The following B4GALNT1 variants were observed in gnomAD, a reference collection of about 807,000 sequenced individuals.
B4GALNT1 encodes beta-1,4 N-acetylgalactosaminyltransferase 1.
Under a neutral mutation model 55.2 loss-of-function variants are expected in B4GALNT1, and 43 were observed. The ratio of observed to expected loss-of-function variants is 0.78; its 90% CI spans 0.61 to 1.00. The LOEUF is 1.00. Ranked by LOEUF, B4GALNT1 falls within the 50% of genes least tolerant of loss-of-function variation. The probability of loss-of-function intolerance (pLI) is 0.00; values close to 1 mark genes in which losing one functional copy is unlikely to be tolerated. For synonymous variants in B4GALNT1, 305 were observed against 311.6 expected, an observed-to-expected ratio of 0.98 and a Z score of 0.22; for missense variants, 664 against 729.7, an observed-to-expected ratio of 0.91 and a Z score of 1.04.
chr12:57,626,477 T>G lies in B4GALNT1; in HGVS notation c.*267A>C. 1.9e-6 allele frequency: 1 copy of G among 514,320 alleles called. No individual in the cohort carries two copies. The highest frequency in any genetic ancestry group is 3.5e-6 in the Non-Finnish European group (1 of 283,510). The allele number at this position is 514,320 out of a possible 1,614,324, so 31.9% of individuals were successfully genotyped here. On this transcript the variant is annotated 3_prime_UTR_variant, in exon 11 of 11. Transcript: ENST00000341156. ...GCACTTGGAAAGTGATCCCCCCATT[T>G]CCTGCCCCATGAGAATGGGCAGGGG...
At chr12:57,629,914 C>T (rs946146281) in intron 6 of B4GALNT1, 83 of 1,535,918 alleles carry the variant, frequency 5.4e-5, no homozygotes, top group Non-Finnish European at 6.9e-5. Context: ...CACAGTTGGC[C>T]TAAAGGGGAG....
At position 57,625,327 on chromosome 12, in the gene B4GALNT1, G is replaced by C; in HGVS notation, c.*1417C>G. ...CCAGAGAAGTGGTGCAGGTGAGGGA[G>C]AGGGTAGGTTGAGGAGAAACCCCTT... is the stretch of plus-strand genomic sequence containing the variant. On this transcript the variant is annotated 3_prime_UTR_variant, in exon 11 of 11. Transcript: ENST00000341156. 6.2e-7 allele frequency: 1 copy of C among 1,614,128 alleles called. No homozygotes were observed. The highest frequency in any genetic ancestry group is 8.5e-7 in the Non-Finnish European group (1 of 1,180,008).
At position 57,625,346 on chromosome 12, in the gene B4GALNT1, A is replaced by G. The variant is rs746744579; in HGVS notation, c.*1398T>C. On this transcript the variant is annotated 3_prime_UTR_variant, in exon 11 of 11. Coordinates refer to ENST00000341156, the MANE Select transcript of B4GALNT1 (RefSeq NM_001478.5). ...GAGGGAGAGGGTAGGTTGAGGAGAA[A>G]CCCCTTAGCATCTCACTCATACCCT... 4.5e-5 allele frequency: 72 copies of G among 1,612,988 alleles called. No homozygotes were observed. The highest frequency in any genetic ancestry group is 5.8e-5 in the Non-Finnish European group (68 of 1,179,752).
At chr12:57,628,357 ATTC>A in intron 8 of B4GALNT1, 95 bp from the exon 9 acceptor site, 1 of 1,555,930 alleles carries the variant, frequency 6.4e-7, no homozygotes, top group Non-Finnish European at 8.8e-7. Flanking sequence ...CTCAGCTTGT[ATTC>A]TTCTCCAGAC....
intron 8 of B4GALNT1, 148 bp downstream of exon 8, chr12:57,628,565 G>T: frequency 2.9e-6 from 3 of 1,031,044 alleles, no homozygotes; most frequent in Non-Finnish European, 4.2e-6. Context: ...CTCCCACGAA[G>T]CTTACATTCC....
chr12:57,624,098 TG>T lies in B4GALNT1; in HGVS notation c.*2645del. 1 of 1,613,916 alleles carries T rather than the reference TG, an allele frequency of 6.2e-7. No individual in the cohort carries two copies. Among genetic ancestry groups the T allele is most frequent in the Non-Finnish European group, 8.5e-7 (1 of 1,179,910 alleles). On this transcript the variant is annotated 3_prime_UTR_variant, in exon 11 of 11. Transcript: ENST00000341156. ...TATGGCACATCAGCCGAGTGGACTT[TG>T]TGAGAAATGCCATTACCCCCAGATT...
Position 57,624,946 on chromosome 12 carries a change from C to G in B4GALNT1, c.*1798G>C. The G allele has an allele frequency of 6.2e-7, 1 of 1,614,152 alleles. No homozygotes were observed. The highest frequency in any genetic ancestry group is 1.1e-5 in the South Asian group (1 of 91,084). ...GGACCCGTGGGCAGTTTCGCTGCAA[C>G]CTGGAGTGGCACCTGGGGCTCGGAG... On this transcript the variant is annotated 3_prime_UTR_variant, in exon 11 of 11. Transcript: ENST00000341156.
chr12:57,629,225 TAC>T, intron 6 of B4GALNT1, 79 bp from the exon 7 acceptor site: 1 of 1,220,914 alleles, frequency 8.2e-7, no homozygotes, highest in Admixed American at 2.9e-5. Flanking sequence ...TTTAAGTGCC[TAC>T]TCTGTGTCCC....
chr12:57,625,281 C>A lies in B4GALNT1; in HGVS notation c.*1463G>T, dbSNP rs755485575. The A allele has an allele frequency of 1.4e-5, 22 of 1,613,920 alleles. No homozygotes were observed. The highest frequency in any genetic ancestry group is 1.4e-5 in the Non-Finnish European group (16 of 1,180,000). ...GTGGTCCTAGACTTCAGTGGTGTCA[C>A]CTTTGCAGATGCTGCTGGGGCCAGA... On this transcript the variant is annotated 3_prime_UTR_variant, in exon 11 of 11. Coordinates refer to ENST00000341156, the MANE Select transcript of B4GALNT1 (RefSeq NM_001478.5).
intron 6 of B4GALNT1, chr12:57,629,449 CA>C (rs1225151728): frequency 6.1e-6 from 2 of 326,402 alleles, no homozygotes; most frequent in Admixed American, 8.8e-5. Flanking sequence ...ATTCCTACAA[CA>C]GAAAAAAAAG....
chr12:57,625,560 G>A lies in B4GALNT1; in HGVS notation c.*1184C>T, dbSNP rs772117744. 1 of 1,605,946 alleles carries A rather than the reference G, an allele frequency of 6.2e-7. No homozygotes were observed. On this transcript the variant is annotated 3_prime_UTR_variant, in exon 11 of 11. Coordinates refer to ENST00000341156, the MANE Select transcript of B4GALNT1 (RefSeq NM_001478.5). ...CCCGGTGTGGACTTAGGGTCTCAGA[G>A]TCTGACACCCTCCCCACATAGCCTT... is the stretch of plus-strand genomic sequence containing the variant.
chr12:57,628,020 CTT>C (rs1393260018), intron 9 of B4GALNT1, 100 bp downstream of exon 9: 5 of 1,529,814 alleles, frequency 3.3e-6, no homozygotes, highest in Non-Finnish European at 4.4e-6. Flanking sequence ...GTGGTTCTCT[CTT>C]TGTCCTAGGG....
Position 57,625,030 on chromosome 12 carries a change from G to C in B4GALNT1, c.*1714C>G, listed in dbSNP as rs764237731. 3 of 1,612,986 alleles carry C rather than the reference G, an allele frequency of 1.9e-6. No individual in the cohort carries two copies. Among genetic ancestry groups the C allele is most frequent in the African/African-American group, 1.3e-5 (1 of 74,864 alleles). On this transcript the variant is annotated 3_prime_UTR_variant, in exon 11 of 11. Transcript: ENST00000341156. ...GGATGTGGATCCTCAGGGAGTGGGA[G>C]GCAGGTGGGTGTTCTGAGGGGGATC...
Position 57,632,197 on chromosome 12 carries a change from C to T in B4GALNT1, c.-1-64G>A, listed in dbSNP as rs2307094. On this transcript the variant is annotated intron_variant, in intron 1 of 10. Coordinates refer to ENST00000341156, the MANE Select transcript of B4GALNT1 (RefSeq NM_001478.5). The stretch of plus-strand genomic sequence containing the variant: ...AGAAGGGAGGGCAAGGGATGGGGCC[C>T]TTGGCCCCCGCGTCCTCAGAGGCTC... 2,140 of 1,433,574 alleles carry T rather than the reference C, an allele frequency of 1.5e-3. 44 individuals are homozygous for T. In the East Asian group the frequency reaches 0.047, roughly 31 times the overall value. The allele number at this position is 1,433,574 out of a possible 1,614,324, so 88.8% of individuals were successfully genotyped here. A position where few individuals can be genotyped will look rare whatever the true frequency, so the allele number is the denominator to read the frequency against.
At position 57,626,841 on chromosome 12, in the gene B4GALNT1, G is replaced by C; in HGVS notation, c.1505C>G (p.Ala502Gly). Reference sequence around the variant, plus strand: ...CAGTGATCCTGGGTAACGGTACCGGGCGTAAGTCTCTGCTCCGGCATCCCT... The same window carrying C: ...CAGTGATCCTGGGTAACGGTACCGGCCGTAAGTCTCTGCTCCGGCATCCCT... ...TSRDAGAETY[A>G]RYRYPGSLDE... Residue 502 changes from alanine to glycine, a missense_variant, in exon 11 of 11, where the codon GCC becomes GGC. Physicochemically the swap from Ala to Gly is moderately conservative, Grantham distance 60. Transcript: ENST00000341156. The C allele has an allele frequency of 6.2e-7, 1 of 1,614,202 alleles. No individual in the cohort carries two copies. The highest frequency in any genetic ancestry group is 8.5e-7 in the Non-Finnish European group (1 of 1,180,042).
intron 9 of B4GALNT1, 96 bp from the exon 10 acceptor site, chr12:57,627,954 C>T (rs1473559288): frequency 1.5e-5 from 22 of 1,468,320 alleles, no homozygotes; most frequent in South Asian, 2.7e-5. Context: ...GTACCCCTGC[C>T]CCATCCTCTT....
chr12:57,630,204 T>C lies in B4GALNT1; in HGVS notation c.660A>G (p.Leu220=), dbSNP rs754939001. 2 of 1,614,202 alleles carry C rather than the reference T, an allele frequency of 1.2e-6. No homozygotes were observed. The highest frequency in any genetic ancestry group is 1.7e-6 in the Non-Finnish European group (2 of 1,180,026). ...TTCGGCTGCTGTAAGTGACCAGTTG[T>C]AGTTGCCTGTTGAGTTGGTCCAGCC... ...SPGLDQLNRQ[L]QLVTYSSRSY... is the part of the protein sequence containing the mutation. Residue 220 remains leucine, a synonymous_variant, in exon 6 of 11, where the codon CTA becomes CTG. Transcript: ENST00000341156.
In B4GALNT1 at chr12:57,625,381, G is replaced by A; in HGVS notation, c.*1363C>T. The stretch of plus-strand genomic sequence containing the variant: ...ATCTCACTCATACCCTCTGATCTGG[G>A]ACTTAACCCCTTTGCCCCATCCCTG... On this transcript the variant is annotated 3_prime_UTR_variant, in exon 11 of 11. Transcript: ENST00000341156. 2 of 1,614,096 alleles carry A rather than the reference G, an allele frequency of 1.2e-6. No homozygotes were observed. Among genetic ancestry groups the A allele is most frequent in the Non-Finnish European group, 1.7e-6 (2 of 1,180,016 alleles).
In B4GALNT1 at chr12:57,627,641, C is replaced by G; in HGVS notation, c.1361G>C (p.Arg454Pro). ...DKVREVGFDP[R>P]LSRVAHLEFF... ...ACCCAGATGAGCCACGCGGCTGAGG[C>G]GGGGGTCGAAACCGACCTCGCGCAC... Residue 454 changes from arginine (R) to proline (P), a missense_variant, in exon 10 of 11, where the codon CGC becomes CCC. Physicochemically the swap from Arg to Pro is moderately radical, Grantham distance 103. Transcript: ENST00000341156. 6.3e-7 allele frequency: 1 copy of G among 1,596,996 alleles called. No homozygotes were observed. Among genetic ancestry groups the G allele is most frequent in the African/African-American group, 1.3e-5 (1 of 74,774 alleles).
Sources: allele counts gnomAD v4.1 joint callset, GRCh38; gene constraint gnomAD v4.1.1; transcripts MANE v1.5; gene names NCBI Gene and HGNC (gene_info 2026-07-23, HGNC 2026-07-21).